The following GPC5 variants were observed in gnomAD, a reference collection of about 807,000 sequenced individuals.
GPC5 encodes the protein glypican-5.
GPC5 carries 47 observed loss-of-function variants against 53.9 expected under a neutral mutation model. The ratio of observed to expected loss-of-function variants is 0.87; its 90% CI spans 0.69 to 1.11. GPC5 has a LOEUF of 1.11. Ranked by LOEUF, GPC5 falls within the 50% of genes most tolerant of loss-of-function variation. The pLI, the probability that GPC5 is intolerant of heterozygous loss-of-function variation, is 0.00. For missense variants in GPC5, 748 were observed against 713.1 expected (o/e 1.05, Z -0.56); for synonymous variants, 286 against 263.3 (o/e 1.09, Z -0.84).
chr13:91,762,181 G>T (rs1019241764), intron 5 of GPC5, among the ~76,000 whole-genome samples: 1 of 152,048 alleles, frequency 6.6e-6, no homozygotes, highest in African/African-American at 2.4e-5. Flanking sequence ...AACTGGTTGT[G>T]TGTGAGTTTT....
intron 5 of GPC5, among the ~76,000 whole-genome samples, chr13:91,835,394 C>G (rs939920480): frequency 6.6e-6 from 1 of 152,028 alleles, no homozygotes; most frequent in African/African-American, 2.4e-5. Context: ...GGGTATATAC[C>G]CAAAGGATTA....
intron 2 of GPC5, among the ~76,000 whole-genome samples, chr13:91,578,765 G>T (rs1323897876): frequency 2.0e-5 from 3 of 151,886 alleles, no homozygotes; most frequent in Non-Finnish European, 4.4e-5. Context: ...TAAATTTTAG[G>T]CCGGGTGCGG....
chr13:91,830,093 G>A (rs183677626), intron 5 of GPC5, among the ~76,000 whole-genome samples: 1 of 152,016 alleles, frequency 6.6e-6, no homozygotes, highest in Non-Finnish European at 1.5e-5. Context: ...GGGAGATGGG[G>A]GTCTATTTCA....
chr13:92,003,774 T>C (rs1419800722), intron 6 of GPC5, among the ~76,000 whole-genome samples: 1 of 152,202 alleles, frequency 6.6e-6, no homozygotes, highest in Non-Finnish European at 1.5e-5. Context: ...ACATCTACTG[T>C]GAACAATAAT....
At chr13:92,800,834 C>T (rs906772568) in intron 7 of GPC5, among the ~76,000 whole-genome samples, 6 of 151,720 alleles carry the variant, frequency 4.0e-5, no homozygotes, top group African/African-American at 9.7e-5. Flanking sequence ...GTTACCTTGA[C>T]GGAAAGTTAA....
intron 2 of GPC5, among the ~76,000 whole-genome samples, chr13:91,557,404 C>G (rs1566502546): frequency 1.3e-5 from 2 of 152,076 alleles, no homozygotes; most frequent in Admixed American, 1.3e-4. Flanking sequence ...CCTTGATTAG[C>G]AGATCTACTA....
chr13:91,776,349 G>A (rs2037710582), intron 5 of GPC5, among the ~76,000 whole-genome samples: 1 of 152,158 alleles, frequency 6.6e-6, no homozygotes, highest in Admixed American at 6.5e-5. Context: ...TGGAAATTAA[G>A]TTAATGTGGC....
intron 7 of GPC5, among the ~76,000 whole-genome samples, chr13:92,374,091 A>G (rs1251740962): frequency 6.6e-6 from 1 of 152,220 alleles, no homozygotes; most frequent in East Asian, 1.9e-4. Context: ...TTAACTCTCC[A>G]TAACTATAGA....
chr13:92,499,881 G>A (rs1880117382), intron 7 of GPC5, among the ~76,000 whole-genome samples: 2 of 152,080 alleles, frequency 1.3e-5, no homozygotes, highest in Non-Finnish European at 1.5e-5. Flanking sequence ...ATGCAACTAT[G>A]AATCAAACTT....
At chr13:92,576,208 T>C (rs1883185577) in intron 7 of GPC5, among the ~76,000 whole-genome samples, 2 of 152,216 alleles carry the variant, frequency 1.3e-5, no homozygotes, top group African/African-American at 4.8e-5. Context: ...GACATAAATG[T>C]GTTTTATGAA....
chr13:92,257,546 A>ATTTTTTTTTT lies in GPC5; in HGVS notation c.1561+112569_1561+112578dup, dbSNP rs398023955. On this transcript the variant is annotated intron_variant, in intron 7 of 7. Transcript: ENST00000377067. ...AGTGAGAGAGGTTTCTAATACAGGG[A>ATTTTTTTTTT]TTTTTTTTTTTTTTTTTTTTTGGGG... 1.5e-3 allele frequency among the ~76,000 whole-genome samples: 109 copies of ATTTTTTTTTT among 72,932 alleles called. 23 individuals are homozygous for ATTTTTTTTTT. Among genetic ancestry groups the ATTTTTTTTTT allele is most frequent in the Middle Eastern group, 0.01 (1 of 100 alleles). The allele number at this position is 72,932 out of a possible 152,430, so 47.8% of individuals were successfully genotyped here. A position where few individuals can be genotyped will look rare whatever the true frequency, so the allele number is the denominator to read the frequency against.
intron 7 of GPC5, among the ~76,000 whole-genome samples, chr13:92,468,494 A>G (rs1485382317): frequency 1.3e-5 from 2 of 152,136 alleles, no homozygotes; most frequent in Non-Finnish European, 2.9e-5. Flanking sequence ...AATCAAATAG[A>G]CATGAGCTGG....
At chr13:92,360,362 A>G (rs979393969) in intron 7 of GPC5, among the ~76,000 whole-genome samples, 1 of 151,762 alleles carries the variant, frequency 6.6e-6, no homozygotes, top group African/African-American at 2.4e-5. Flanking sequence ...CATAAACAGA[A>G]CTAAAGATAA....
At chr13:91,723,829 C>T (rs1027110635) in intron 3 of GPC5, among the ~76,000 whole-genome samples, 5 of 152,096 alleles carry the variant, frequency 3.3e-5, no homozygotes, top group African/African-American at 1.2e-4. Flanking sequence ...TAATATAGTA[C>T]AATAGTCTGA....
At chr13:92,410,738 A>G (rs1876005517) in intron 7 of GPC5, among the ~76,000 whole-genome samples, 1 of 152,218 alleles carries the variant, frequency 6.6e-6, no homozygotes, top group Non-Finnish European at 1.5e-5. Context: ...ACCGGATTAA[A>G]TTGTTCTCCT....
At chr13:91,617,856 C>T (rs549437471) in intron 2 of GPC5, among the ~76,000 whole-genome samples, 3 of 152,114 alleles carry the variant, frequency 2.0e-5, no homozygotes, top group African/African-American at 7.2e-5. Flanking sequence ...TGCAACTACT[C>T]AGCTCTGCAC....
At chr13:91,650,750 GTTT>G (rs67507888) in intron 2 of GPC5, among the ~76,000 whole-genome samples, 1,829 of 99,598 alleles carry the variant, frequency 0.018, 75 homozygotes, top group African/African-American at 0.064. Flanking sequence ...ATTCCCATAA[GTTT>G]TTTTTTTTTT....
chr13:92,539,520 AT>A (rs1218389971), intron 7 of GPC5, among the ~76,000 whole-genome samples: 1 of 151,274 alleles, frequency 6.6e-6, no homozygotes, highest in Non-Finnish European at 1.5e-5. Flanking sequence ...GGGGTTGTTT[AT>A]TTTTTTCTTG....
At chr13:91,814,522 C>A (rs1177767588) in intron 5 of GPC5, among the ~76,000 whole-genome samples, 1 of 147,504 alleles carries the variant, frequency 6.8e-6, no homozygotes, top group African/African-American at 2.5e-5. Flanking sequence ...ATGTATTCTG[C>A]AACTTTATTT....
Sources: gnomAD v4.1 joint callset for allele counts (sites outside exome capture counted in the v4.1 genomes callset) on GRCh38, gnomAD v4.1.1 for gene constraint, MANE v1.5 for transcripts, NCBI Gene and HGNC (gene_info 2026-07-23, HGNC 2026-07-21) for gene names.